OR9Q1: variants seen among roughly 807,000 people sequenced by gnomAD.
OR9Q1 encodes the protein olfactory receptor 9Q1.
For synonymous variants in OR9Q1, 153 were observed against 148.6 expected, an observed-to-expected ratio of 1.03 and a Z score of -0.22; for missense variants, 374 against 378.8, an observed-to-expected ratio of 0.99 and a Z score of 0.11.
intron 2 of OR9Q1, among the ~76,000 whole-genome samples, chr11:58,097,721 A>G (rs980367984): frequency 6.6e-6 from 1 of 152,216 alleles, no homozygotes; most frequent in Non-Finnish European, 1.5e-5. Context: ...GTTCATCAGC[A>G]GGTGAATGAG....
At chr11:58,072,040 A>C (rs1853492718) in intron 2 of OR9Q1, among the ~76,000 whole-genome samples, 1 of 152,188 alleles carries the variant, frequency 6.6e-6, no homozygotes, top group African/African-American at 2.4e-5. Flanking sequence ...ACAAAACTTC[A>C]CATGTACAAT....
chr11:58,042,460 A>C (rs1853174826), intron 1 of OR9Q1, among the ~76,000 whole-genome samples: 1 of 151,656 alleles, frequency 6.6e-6, no homozygotes, highest in Non-Finnish European at 1.5e-5. Context: ...AGTTGTAGAT[A>C]TGCGGCGTTA....
chr11:58,087,071 A>G (rs957474268), intron 2 of OR9Q1, among the ~76,000 whole-genome samples: 2 of 151,874 alleles, frequency 1.3e-5, no homozygotes, highest in African/African-American at 4.9e-5. Context: ...ATAATTCTGC[A>G]GCATAAACAT....
chr11:58,137,737 A>C (rs1354708135), intron 2 of OR9Q1, among the ~76,000 whole-genome samples: 2 of 152,146 alleles, frequency 1.3e-5, no homozygotes, highest in Non-Finnish European at 2.9e-5. Context: ...CAAGTTTCTT[A>C]ATCTCTGCAA....
intron 2 of OR9Q1, among the ~76,000 whole-genome samples, chr11:58,080,980 C>T (rs1313488405): frequency 6.6e-6 from 1 of 151,980 alleles, no homozygotes; most frequent in African/African-American, 2.4e-5. Flanking sequence ...CCCCCACCCC[C>T]CGACAGGACC....
chr11:58,111,171 T>C (rs963512163), intron 2 of OR9Q1, among the ~76,000 whole-genome samples: 2 of 152,186 alleles, frequency 1.3e-5, no homozygotes, highest in Non-Finnish European at 2.9e-5. Flanking sequence ...TGATGAGTGT[T>C]AGCATGGGCA....
chr11:58,072,582 G>A (rs1853498455), intron 2 of OR9Q1: 1 of 154,154 alleles, frequency 6.5e-6, no homozygotes, highest in Middle Eastern at 1.6e-3. Flanking sequence ...GCTTACAGTT[G>A]CTAATGAGCT....
At chr11:58,146,296 G>A (rs1428689364) in intron 2 of OR9Q1, among the ~76,000 whole-genome samples, 1 of 152,040 alleles carries the variant, frequency 6.6e-6, no homozygotes, top group East Asian at 1.9e-4. Context: ...TTACTCTATT[G>A]TCAGAAGACA....
chr11:58,111,159 A>G (rs1209300912), intron 2 of OR9Q1, among the ~76,000 whole-genome samples: 2 of 152,136 alleles, frequency 1.3e-5, no homozygotes. Flanking sequence ...TATAAAATCT[A>G]CTGATGAGTG....
chr11:58,133,908 A>T (rs1278569173), intron 2 of OR9Q1, among the ~76,000 whole-genome samples: 1 of 148,236 alleles, frequency 6.7e-6, no homozygotes, highest in Non-Finnish European at 1.5e-5. Context: ...AATTGGTCAG[A>T]AGGGGTCACT....
intron 2 of OR9Q1, among the ~76,000 whole-genome samples, chr11:58,061,017 A>T (rs1039650544): frequency 6.6e-6 from 1 of 152,072 alleles, no homozygotes; most frequent in Non-Finnish European, 1.5e-5. Flanking sequence ...TTCCTCTCCA[A>T]TCAGATTCTA....
intron 2 of OR9Q1, among the ~76,000 whole-genome samples, chr11:58,142,048 G>A (rs1854255149): frequency 1.3e-5 from 2 of 152,246 alleles, no homozygotes; most frequent in African/African-American, 2.4e-5. Flanking sequence ...ATGTATGCAA[G>A]TACATATGTA....
intron 2 of OR9Q1, among the ~76,000 whole-genome samples, chr11:58,107,756 CTTT>C (rs1853856614): frequency 3.1e-5 from 3 of 95,468 alleles, no homozygotes; most frequent in Non-Finnish European, 8.7e-5. Flanking sequence ...TTTGTCTCTT[CTTT>C]AATTTCTTTC....
intron 2 of OR9Q1, among the ~76,000 whole-genome samples, chr11:58,107,121 T>C (rs550419446): frequency 1.3e-5 from 2 of 152,250 alleles, no homozygotes; most frequent in Non-Finnish European, 2.9e-5. Flanking sequence ...TTTCTTTTTT[T>C]TTAAATTATA....
At chr11:58,176,612 A>C (rs150975685) in intron 2 of OR9Q1, among the ~76,000 whole-genome samples, 108 of 152,324 alleles carry the variant, frequency 7.1e-4, no homozygotes, top group African/African-American at 2.0e-3. Context: ...CACAAAGAAT[A>C]AAACGGTGTC....
chr11:58,052,600 TAAAA>T (rs1046565868), intron 1 of OR9Q1, among the ~76,000 whole-genome samples: 3 of 6,290 alleles, frequency 4.8e-4, no homozygotes, highest in Non-Finnish European at 1.0e-3. Context: ...ATAATAATAA[TAAAA>T]AAAAAGAAAA....
chr11:58,151,042 C>T (rs992577546), intron 2 of OR9Q1, among the ~76,000 whole-genome samples: 1 of 152,110 alleles, frequency 6.6e-6, no homozygotes, highest in Non-Finnish European at 1.5e-5. Flanking sequence ...GTCATTTTAG[C>T]CTTTATGTTT....
intron 2 of OR9Q1, among the ~76,000 whole-genome samples, chr11:58,157,431 C>A (rs915950514): frequency 6.6e-6 from 1 of 152,124 alleles, no homozygotes; most frequent in South Asian, 2.1e-4. Context: ...TTTCCCCAAT[C>A]GGATTGTAAA....
chr11:58,087,766 C>T (rs931746961), intron 2 of OR9Q1, among the ~76,000 whole-genome samples: 6 of 151,274 alleles, frequency 4.0e-5, no homozygotes, highest in Non-Finnish European at 7.4e-5. Flanking sequence ...CTCCCTGTGT[C>T]CATATGTTCT....
Sources: allele counts gnomAD v4.1 joint callset (sites outside exome capture counted in the v4.1 genomes callset), GRCh38; gene constraint gnomAD v4.1.1; transcripts MANE v1.5; gene names NCBI Gene and HGNC (gene_info 2026-07-23, HGNC 2026-07-21).